The following UBR3 variants were observed in gnomAD, a reference collection of about 807,000 sequenced individuals.
The protein encoded by UBR3 is E3 ubiquitin-protein ligase UBR3.
Under a neutral mutation model 243.2 loss-of-function variants are expected in UBR3, and 85 were observed. The observed-to-expected ratio is 0.35, with a 90% CI of 0.29 to 0.42. The LOEUF (loss-of-function observed/expected upper bound fraction) is 0.42, where lower values mean the gene tolerates loss of function less well. Ranked by LOEUF, UBR3 falls within the 10% of genes least tolerant of loss-of-function variation. The pLI is 1.00. For missense variants in UBR3, 1,686 were observed against 2,300.8 expected, an observed-to-expected ratio of 0.73 and a Z score of 5.47; for synonymous variants, 748 against 799.8, an observed-to-expected ratio of 0.94 and a Z score of 1.09.
At chr2:170,040,842 A>G (rs1203186932) in intron 31 of UBR3, 40 bp from the exon 32 acceptor site, 1 of 1,427,838 alleles carries the variant, frequency 7.0e-7, no homozygotes, top group South Asian at 1.2e-5. Flanking sequence ...GAAAGAGAAG[A>G]TATACAATAC....
At chr2:169,975,248 A>C (rs2088371923) in intron 24 of UBR3, among the ~76,000 whole-genome samples, 1 of 152,204 alleles carries the variant, frequency 6.6e-6, no homozygotes, top group African/African-American at 2.4e-5. Flanking sequence ...TTTAATTTCC[A>C]TGTATTTGTA....
chr2:169,914,933 G>A (rs1173501005), intron 11 of UBR3, among the ~76,000 whole-genome samples: 2 of 151,848 alleles, frequency 1.3e-5, no homozygotes, highest in Non-Finnish European at 2.9e-5. Flanking sequence ...GAAAAGTTGA[G>A]TGGACAAAGA....
chr2:169,852,466 C>G (rs1419310060), intron 1 of UBR3, among the ~76,000 whole-genome samples: 2 of 152,204 alleles, frequency 1.3e-5, no homozygotes. Flanking sequence ...TTGCCTATGG[C>G]GGCTTTCACT....
chr2:169,964,827 A>G (rs1474913348), intron 24 of UBR3: 1 of 456,230 alleles, frequency 2.2e-6, no homozygotes. Flanking sequence ...CTCTTTTGGC[A>G]GTAGCCAGGG....
At chr2:170,056,208 A>G (rs911991075) in intron 33 of UBR3, among the ~76,000 whole-genome samples, 12 of 151,888 alleles carry the variant, frequency 7.9e-5, no homozygotes, top group Non-Finnish European at 1.5e-4. Flanking sequence ...GGGTTTCACC[A>G]TGTTGGCCAG....
intron 8 of UBR3, among the ~76,000 whole-genome samples, chr2:169,900,913 T>C (rs2084796683): frequency 6.6e-6 from 1 of 152,214 alleles, no homozygotes; most frequent in Non-Finnish European, 1.5e-5. Flanking sequence ...TGCCTGTTAG[T>C]CTGACGTAGT....
chr2:169,950,500 G>A (rs1033580874), intron 23 of UBR3, among the ~76,000 whole-genome samples: 7 of 151,798 alleles, frequency 4.6e-5, no homozygotes, highest in Admixed American at 2.6e-4. Flanking sequence ...TTTTTAAAAA[G>A]TGATGTTTTA....
At chr2:169,854,584 A>G (rs2082772219) in intron 1 of UBR3, among the ~76,000 whole-genome samples, 1 of 152,146 alleles carries the variant, frequency 6.6e-6, no homozygotes, top group Non-Finnish European at 1.5e-5. Context: ...AGTTTTTTTA[A>G]TATTATAAAC....
chr2:169,852,975 G>C (rs1003417799), intron 1 of UBR3, among the ~76,000 whole-genome samples: 7 of 151,026 alleles, frequency 4.6e-5, no homozygotes, highest in African/African-American at 1.7e-4. Flanking sequence ...GCAAACGTGT[G>C]TATGAATAAT....
intron 1 of UBR3, among the ~76,000 whole-genome samples, chr2:169,867,998 A>G (rs1255796945): frequency 6.6e-6 from 1 of 152,196 alleles, no homozygotes; most frequent in African/African-American, 2.4e-5. Context: ...AGTCAGCACA[A>G]TGAACCTAAC....
At chr2:169,841,098 C>G (rs1005797166) in intron 1 of UBR3, among the ~76,000 whole-genome samples, 1 of 152,146 alleles carries the variant, frequency 6.6e-6, no homozygotes, top group African/African-American at 2.4e-5. Flanking sequence ...ACCTTTGCCA[C>G]GCCCTTGGAT....
intron 11 of UBR3, among the ~76,000 whole-genome samples, chr2:169,917,473 C>T (rs1269601261): frequency 1.3e-5 from 2 of 152,074 alleles, no homozygotes; most frequent in East Asian, 1.9e-4. Context: ...AAATTATACA[C>T]AAGAAAATGA....
chr2:170,021,674 G>A (rs1295375052), intron 30 of UBR3, among the ~76,000 whole-genome samples: 1 of 152,100 alleles, frequency 6.6e-6, no homozygotes, highest in Admixed American at 6.6e-5. Flanking sequence ...CCTCTTCAGA[G>A]ATGAGATTAG....
chr2:169,935,072 A>G lies in UBR3; in HGVS notation c.2663+2064A>G, dbSNP rs538436585. ...AAACAATACAACAACAACAAAGCAA[A>G]CCAGCAGTTGGAAAACCATCCATTC... On this transcript the variant is annotated intron_variant, in intron 19 of 38. Coordinates refer to ENST00000272793, the MANE Select transcript of UBR3 (RefSeq NM_172070.4). Among the ~76,000 whole-genome samples, 3 of 152,322 alleles carry G rather than the reference A, an allele frequency of 2.0e-5. No homozygotes were observed. In the South Asian group the frequency reaches 6.2e-4, roughly 32 times the overall value.
At chr2:170,050,903 T>C (rs2091201536) in intron 32 of UBR3, among the ~76,000 whole-genome samples, 1 of 152,188 alleles carries the variant, frequency 6.6e-6, no homozygotes, top group Non-Finnish European at 1.5e-5. Context: ...CCATGGGAGA[T>C]TGGTTCCACG....
chr2:170,055,402 T>C, intron 32 of UBR3, 58 bp from the exon 33 acceptor site: 1 of 1,577,470 alleles, frequency 6.3e-7, no homozygotes. Flanking sequence ...TTTGTAAAAC[T>C]ATGTTGAGTA....
intron 8 of UBR3, among the ~76,000 whole-genome samples, chr2:169,902,143 T>C (rs2084848986): frequency 6.6e-6 from 1 of 152,018 alleles, no homozygotes; most frequent in Non-Finnish European, 1.5e-5. Flanking sequence ...AACCTAGGAG[T>C]TGTCTTTGAC....
At chr2:169,987,282 A>G (rs764735581) in intron 25 of UBR3, among the ~76,000 whole-genome samples, 2 of 150,132 alleles carry the variant, frequency 1.3e-5, no homozygotes, top group African/African-American at 2.4e-5. Flanking sequence ...AATCCCAGCT[A>G]TTTGGGAGCC....
chr2:169,927,479 C>A (rs997686216), intron 17 of UBR3, 74 bp downstream of exon 17: 13 of 1,135,064 alleles, frequency 1.1e-5, no homozygotes, highest in South Asian at 3.5e-5. Flanking sequence ...AATAGTTTAT[C>A]AATTTTTTGA....
Sources: allele counts gnomAD v4.1 joint callset (sites outside exome capture counted in the v4.1 genomes callset), GRCh38; gene constraint gnomAD v4.1.1; transcripts MANE v1.5; gene names NCBI Gene and HGNC (gene_info 2026-07-23, HGNC 2026-07-21).